DTNA: variants seen among roughly 807,000 people sequenced by gnomAD.
The protein encoded by DTNA is dystrophin-related protein 3.
In DTNA, 43 loss-of-function variants were observed where a neutral mutation model predicts 100.7. The observed-to-expected ratio is 0.43, with a 90% CI of 0.33 to 0.55. The LOEUF (loss-of-function observed/expected upper bound fraction) is 0.55. DTNA is among the 20% of genes least tolerant of loss of function. The pLI is 0.04. For synonymous variants in DTNA, 349 were observed against 347.9 expected (o/e 1.00, Z -0.04); for missense variants, 798 against 953.9 (o/e 0.84, Z 2.15).
intron 1 of DTNA, among the ~76,000 whole-genome samples, chr18:34,644,080 T>TA (rs908097861): frequency 7.2e-5 from 11 of 151,992 alleles, no homozygotes; most frequent in South Asian, 2.1e-4. Flanking sequence ...ATATTTTAAA[T>TA]AAAAAAAATA....
chr18:34,677,566 T>C (rs557913679), intron 1 of DTNA, among the ~76,000 whole-genome samples: 5 of 152,306 alleles, frequency 3.3e-5, no homozygotes, highest in Admixed American at 2.6e-4. Context: ...CTTTAGATTA[T>C]ATGCGATTTT....
chr18:34,607,226 A>G (rs931972061), intron 1 of DTNA, among the ~76,000 whole-genome samples: 2 of 152,220 alleles, frequency 1.3e-5, no homozygotes, highest in African/African-American at 4.8e-5. Context: ...TATGATTACA[A>G]ATCTTTTTTG....
At chr18:34,603,403 C>CT (rs150753933) in intron 1 of DTNA, among the ~76,000 whole-genome samples, 5,817 of 150,864 alleles carry the variant, frequency 0.039, 324 homozygotes, top group African/African-American at 0.13. Context: ...TTTTCATTCT[C>CT]TTTTTTTTTA....
At chr18:34,808,736 C>G (rs1345524439) in intron 5 of DTNA, among the ~76,000 whole-genome samples, 1 of 152,174 alleles carries the variant, frequency 6.6e-6, no homozygotes, top group African/African-American at 2.4e-5. Flanking sequence ...CTCACCCCAT[C>G]CCATCACCCT....
intron 1 of DTNA, among the ~76,000 whole-genome samples, chr18:34,572,849 T>G (rs2047725315): frequency 6.6e-6 from 1 of 152,168 alleles, no homozygotes; most frequent in African/African-American, 2.4e-5. Context: ...AGTGGCCTCT[T>G]TATTCCTGAA....
chr18:34,885,198 A>G (rs1357558417), intron 22 of DTNA, among the ~76,000 whole-genome samples: 2 of 152,234 alleles, frequency 1.3e-5, no homozygotes, highest in East Asian at 1.9e-4. Context: ...CTCGGGCTCA[A>G]GAGATCAAAT....
chr18:34,526,557 A>G (rs547198198), intron 1 of DTNA, among the ~76,000 whole-genome samples: 15 of 151,504 alleles, frequency 9.9e-5, no homozygotes, highest in Middle Eastern at 6.8e-3. Context: ...TATTACTGTT[A>G]TTAGAATTAA....
chr18:34,573,863 T>C (rs1212930207), intron 1 of DTNA: 6 of 152,238 alleles, frequency 3.9e-5, no homozygotes, highest in Non-Finnish European at 7.3e-5. Context: ...CAGCCCCTAA[T>C]AACTAACCAC....
chr18:34,827,441 G>A (rs2095884408), intron 9 of DTNA, 152 bp from the exon 10 acceptor site: 9 of 739,236 alleles, frequency 1.2e-5, no homozygotes, highest in Non-Finnish European at 2.2e-5. Context: ...AACACTTAAG[G>A]AATTTAATTG....
At chr18:34,862,266 C>T (rs2096639268) in intron 16 of DTNA, among the ~76,000 whole-genome samples, 1 of 151,670 alleles carries the variant, frequency 6.6e-6, no homozygotes, top group Non-Finnish European at 1.5e-5. Context: ...ACCATTAAAG[C>T]ATATAAAATT....
Position 34,576,455 on chromosome 18 carries a change from TTTTG to T in DTNA, c.-2+82949_-2+82952del, listed in dbSNP as rs566820670. On this transcript the variant is annotated intron_variant, in intron 1 of 19. Transcript: ENST00000283365. ...GTGATATATTTTTGTTTTTGCTTTGTTTTGTTTGTTTATTTATTTATTTATTTTG... is the reference window on the plus strand; with the variant it reads ...GTGATATATTTTTGTTTTTGCTTTGTTTTGTTTATTTATTTATTTATTTTG... Among the ~76,000 whole-genome samples the T allele has an allele frequency of 1.4e-4, 21 of 152,194 alleles. No homozygotes were observed. In the East Asian group the frequency reaches 1.9e-3, roughly 14 times the overall value.
chr18:34,797,497 T>G (rs780825084), intron 4 of DTNA, among the ~76,000 whole-genome samples: 10 of 152,142 alleles, frequency 6.6e-5, no homozygotes, highest in Non-Finnish European at 1.2e-4. Flanking sequence ...CTTCCGCTCC[T>G]CTGTCTCCTC....
intron 1 of DTNA, among the ~76,000 whole-genome samples, chr18:34,511,756 C>T (rs537880043): frequency 3.3e-5 from 5 of 152,082 alleles, no homozygotes; most frequent in Admixed American, 2.0e-4. Flanking sequence ...CTCAAAGTCA[C>T]ATTTGGAAAA....
At chr18:34,589,041 G>A in intron 1 of DTNA, among the ~76,000 whole-genome samples, 1 of 151,000 alleles carries the variant, frequency 6.6e-6, no homozygotes. Context: ...AGTATATTTT[G>A]TAATTAGTAT....
chr18:34,507,057 G>A (rs2040563143), intron 1 of DTNA, among the ~76,000 whole-genome samples: 1 of 152,160 alleles, frequency 6.6e-6, no homozygotes, highest in African/African-American at 2.4e-5. Context: ...CTCAAGTGGT[G>A]TTGCAGATAG....
intron 4 of DTNA, among the ~76,000 whole-genome samples, chr18:34,799,654 C>T (rs1412591067): frequency 6.6e-6 from 1 of 152,186 alleles, no homozygotes; most frequent in African/African-American, 2.4e-5. Context: ...CCTCTACTAA[C>T]TAAAATCTTG....
chr18:34,788,604 A>G (rs1012491484), intron 3 of DTNA, among the ~76,000 whole-genome samples: 4 of 152,226 alleles, frequency 2.6e-5, no homozygotes, highest in Non-Finnish European at 4.4e-5. Flanking sequence ...GTAGTCGCCA[A>G]TGAAATAAAG....
chr18:34,580,292 AC>A (rs1336532156), intron 1 of DTNA, among the ~76,000 whole-genome samples: 1 of 152,090 alleles, frequency 6.6e-6, no homozygotes, highest in Non-Finnish European at 1.5e-5. Flanking sequence ...GCTATATCCA[AC>A]ATTTGAGCCA....
upstream of DTNA, among the ~76,000 whole-genome samples, chr18:34,710,075 T>C (rs977801052): frequency 2.6e-5 from 4 of 152,200 alleles, no homozygotes; most frequent in African/African-American, 4.8e-5. Context: ...ATTCTTATAC[T>C]TCTGTTATTT....
Sources: allele counts gnomAD v4.1 joint callset (sites outside exome capture counted in the v4.1 genomes callset), GRCh38; gene constraint gnomAD v4.1.1; transcripts MANE v1.5; gene names NCBI Gene and HGNC (gene_info 2026-07-23, HGNC 2026-07-21).